Variants in KMT2C observed in about 807,000 individuals in gnomAD.
KMT2C encodes the protein histone-lysine N-methyltransferase 2C.
In KMT2C, 88 loss-of-function variants were observed where a neutral mutation model predicts 507.9. The ratio of observed to expected loss-of-function variants is 0.17; its 90% CI spans 0.15 to 0.21. The LOEUF is 0.21. Among genes scored for constraint, KMT2C ranks in the 10% least tolerant of loss-of-function variants. The probability of loss-of-function intolerance (pLI) is 1.00; values close to 1 mark genes in which losing one functional copy is unlikely to be tolerated. For missense variants in KMT2C, 4,954 were observed against 5,957.8 expected, an observed-to-expected ratio of 0.83 and a Z score of 5.55; for synonymous variants, 2,049 against 2,080.8, an observed-to-expected ratio of 0.98 and a Z score of 0.42.
intron 34 of KMT2C, 35 bp from the exon 35 acceptor site, chr7:152,183,191 TATGTTAA>T: frequency 6.9e-7 from 1 of 1,456,396 alleles, no homozygotes; most frequent in Non-Finnish European, 9.2e-7. Flanking sequence ...TTTCCCAGAT[TATGTTAA>T]ATGTTTTAAG....
intron 4 of KMT2C, 22 bp downstream of exon 4, chr7:152,315,116 A>G (rs1411992884): frequency 1.9e-6 from 3 of 1,599,244 alleles, no homozygotes; most frequent in East Asian, 2.2e-5. Flanking sequence ...CTATTCCAAC[A>G]TTTAAAGTCG....
intron 33 of KMT2C, among the ~76,000 whole-genome samples, chr7:152,185,860 T>C (rs1280296684): frequency 6.6e-6 from 1 of 152,226 alleles, no homozygotes; most frequent in African/African-American, 2.4e-5. Flanking sequence ...GCTTGTAAAG[T>C]TGGGAAGTTT....
chr7:152,371,711 T>C (rs2097294990), intron 1 of KMT2C, among the ~76,000 whole-genome samples: 1 of 151,918 alleles, frequency 6.6e-6, no homozygotes, highest in Non-Finnish European at 1.5e-5. Flanking sequence ...CCTCCCAGGT[T>C]CAAGCAGTTC....
chr7:152,271,676 A>G (rs1165639208), intron 7 of KMT2C, among the ~76,000 whole-genome samples: 2 of 149,348 alleles, frequency 1.3e-5, no homozygotes, highest in African/African-American at 2.4e-5. Flanking sequence ...TCCATCTCAA[A>G]AAAAAAAAAA....
intron 14 of KMT2C, among the ~76,000 whole-genome samples, chr7:152,240,798 C>T (rs1471721105): frequency 6.6e-6 from 1 of 152,188 alleles, no homozygotes; most frequent in African/African-American, 2.4e-5. Flanking sequence ...AATCCTTCTA[C>T]TTCTTGTCAC....
At chr7:152,233,443 G>A (rs1386782539) in intron 16 of KMT2C, among the ~76,000 whole-genome samples, 1 of 151,974 alleles carries the variant, frequency 6.6e-6, no homozygotes, top group African/African-American at 2.4e-5. Context: ...GCAGGGACAC[G>A]TAAGAGTAAA....
chr7:152,265,541 G>A (rs2129173888), intron 7 of KMT2C, among the ~76,000 whole-genome samples: 1 of 152,162 alleles, frequency 6.6e-6, no homozygotes, highest in Non-Finnish European at 1.5e-5. Context: ...ATGCTTACTG[G>A]AAAGAACCAA....
At chr7:152,140,235 G>C (rs1025798115) in intron 55 of KMT2C, among the ~76,000 whole-genome samples, 1 of 152,130 alleles carries the variant, frequency 6.6e-6, no homozygotes, top group Non-Finnish European at 1.5e-5. Flanking sequence ...CTGTAAACAG[G>C]GTTCAGACTT....
At chr7:152,336,645 C>A (rs1447017041) in intron 2 of KMT2C, among the ~76,000 whole-genome samples, 1 of 152,204 alleles carries the variant, frequency 6.6e-6, no homozygotes, top group African/African-American at 2.4e-5. Context: ...GGTTTGGCGA[C>A]TCCACCACTT....
intron 3 of KMT2C, among the ~76,000 whole-genome samples, chr7:152,327,765 TG>T (rs1167443725): frequency 3.3e-5 from 5 of 152,032 alleles, no homozygotes; most frequent in Non-Finnish European, 7.4e-5. Context: ...AAGGCCATCC[TG>T]GCTAACACAT....
chr7:152,371,744 G>A (rs1341787918), intron 1 of KMT2C, among the ~76,000 whole-genome samples: 2 of 151,952 alleles, frequency 1.3e-5, no homozygotes, highest in Non-Finnish European at 2.9e-5. Context: ...CACCTGAGTA[G>A]CTAGGATTAC....
At chr7:152,328,181 C>G (rs1368095971) in intron 3 of KMT2C, among the ~76,000 whole-genome samples, 1 of 152,058 alleles carries the variant, frequency 6.6e-6, no homozygotes, top group Admixed American at 6.6e-5. Context: ...CTGCTGTTTT[C>G]TTTTCCATCC....
chr7:152,185,601 T>C lies in KMT2C; in HGVS notation c.5039A>G (p.Lys1680Arg). 6.2e-7 allele frequency: 1 copy of C among 1,613,680 alleles called. No homozygotes were observed. Among genetic ancestry groups the C allele is most frequent in the Non-Finnish European group, 8.5e-7 (1 of 1,179,890 alleles). Residue 1680 changes from lysine to arginine, a missense_variant, in exon 34 of 59, where the codon AAA becomes AGA. By Grantham distance (26) the Lys-to-Arg change is conservative. Coordinates refer to ENST00000262189, the MANE Select transcript of KMT2C (RefSeq NM_170606.3). ...DWTTRVKQIA[K>R]LWRKASSQER... Reference sequence around the variant, plus strand: ...TTGTGAGCTTGCTTTTCTCCACAATTTGGCAATTTGCTTCACTCTAGTAGT... The same window carrying C: ...TTGTGAGCTTGCTTTTCTCCACAATCTGGCAATTTGCTTCACTCTAGTAGT...
At chr7:152,171,741 G>A (rs1204479546) in intron 39 of KMT2C, among the ~76,000 whole-genome samples, 1 of 152,128 alleles carries the variant, frequency 6.6e-6, no homozygotes, top group Non-Finnish European at 1.5e-5. Context: ...GTTTTATAAC[G>A]AACTCTAAGG....
intron 21 of KMT2C, 52 bp downstream of exon 21, chr7:152,222,521 T>C (rs1291157675): frequency 2.2e-6 from 2 of 898,792 alleles, no homozygotes; most frequent in Non-Finnish European, 3.6e-6. Flanking sequence ...GACAGTAAGG[T>C]GCAAGTGAGT....
chr7:152,331,982 G>C (rs1031583537), intron 2 of KMT2C, among the ~76,000 whole-genome samples: 10 of 151,840 alleles, frequency 6.6e-5, no homozygotes, highest in African/African-American at 1.9e-4. Flanking sequence ...TATAGCAATT[G>C]GTCTACAGAA....
intron 1 of KMT2C, among the ~76,000 whole-genome samples, chr7:152,412,228 C>T (rs2097691521): frequency 6.6e-6 from 1 of 152,152 alleles, no homozygotes; most frequent in South Asian, 2.1e-4. Context: ...TGGTGAAACC[C>T]GATCTCTACT....
chr7:152,172,048 A>T (rs561475100), intron 39 of KMT2C, among the ~76,000 whole-genome samples: 39 of 152,370 alleles, frequency 2.6e-4, no homozygotes, highest in African/African-American at 9.4e-4. Flanking sequence ...ATCAAGATAT[A>T]CATACAATTT....
At chr7:152,173,786 G>GA (rs1190454665) in intron 39 of KMT2C, among the ~76,000 whole-genome samples, 2 of 152,042 alleles carry the variant, frequency 1.3e-5, no homozygotes, top group African/African-American at 2.4e-5. Flanking sequence ...TGTCTTAACT[G>GA]AAAAAAATCT....
Sources: gnomAD v4.1 joint callset for allele counts (sites outside exome capture counted in the v4.1 genomes callset) on GRCh38, gnomAD v4.1.1 for gene constraint, MANE v1.5 for transcripts, NCBI Gene and HGNC (gene_info 2026-07-23, HGNC 2026-07-21) for gene names.